SYN3: variants seen among roughly 807,000 people sequenced by gnomAD.
The protein encoded by SYN3 is synapsin III.
Under a neutral mutation model 65.8 loss-of-function variants are expected in SYN3, and 35 were observed. That is an observed-to-expected ratio of 0.53 (90% CI 0.41 to 0.70). The LOEUF is 0.70. Among genes scored for constraint, SYN3 ranks in the 30% least tolerant of loss-of-function variants. The probability of loss-of-function intolerance (pLI) is 0.00; values close to 1 mark genes in which losing one functional copy is unlikely to be tolerated. For missense variants in SYN3, 680 were observed against 749.0 expected (o/e 0.91, Z 1.08); for synonymous variants, 270 against 292.9 (o/e 0.92, Z 0.80).
At chr22:32,696,134 G>A (rs918330388) in intron 6 of SYN3, among the ~76,000 whole-genome samples, 3 of 152,226 alleles carry the variant, frequency 2.0e-5, no homozygotes, top group Non-Finnish European at 4.4e-5. Context: ...GCCATATGGT[G>A]AGTCAGAGGA....
intron 7 of SYN3, among the ~76,000 whole-genome samples, chr22:32,562,127 GA>G (rs1398199896): frequency 3.9e-5 from 6 of 152,170 alleles, no homozygotes; most frequent in Non-Finnish European, 8.8e-5. Flanking sequence ...TTCTGTCAAA[GA>G]GATAACATCC....
At chr22:32,765,400 C>T (rs575962581) in intron 6 of SYN3, among the ~76,000 whole-genome samples, 6 of 152,260 alleles carry the variant, frequency 3.9e-5, no homozygotes, top group Non-Finnish European at 7.4e-5. Context: ...TCCTTGAGGC[C>T]GATCAGTGGG....
intron 7 of SYN3, among the ~76,000 whole-genome samples, chr22:32,555,613 G>A (rs2058483343): frequency 6.6e-6 from 1 of 152,148 alleles, no homozygotes; most frequent in Non-Finnish European, 1.5e-5. Context: ...AAGTCAGGAG[G>A]ATGCATACCA....
At chr22:32,576,851 T>A (rs1274519813) in intron 7 of SYN3, among the ~76,000 whole-genome samples, 1 of 148,026 alleles carries the variant, frequency 6.8e-6, no homozygotes, top group Non-Finnish European at 1.5e-5. Flanking sequence ...CCAGGACGCC[T>A]TTTTTCCCTT....
chr22:32,975,910 C>CT (rs1383546638), intron 3 of SYN3, among the ~76,000 whole-genome samples: 2 of 152,226 alleles, frequency 1.3e-5, no homozygotes, highest in Non-Finnish European at 2.9e-5. Flanking sequence ...TTACACTTCT[C>CT]TATCTTGTTG....
chr22:33,021,862 C>T (rs559179870), intron 1 of SYN3, among the ~76,000 whole-genome samples: 4 of 151,212 alleles, frequency 2.6e-5, no homozygotes, highest in African/African-American at 4.9e-5. Flanking sequence ...GAGAGACCAT[C>T]GTCTGACTTG....
intron 3 of SYN3, among the ~76,000 whole-genome samples, chr22:32,973,129 T>C (rs1049933690): frequency 1.3e-5 from 2 of 152,224 alleles, no homozygotes; most frequent in Non-Finnish European, 2.9e-5. Context: ...CTGGGTAAAA[T>C]GATTTCCCCT....
chr22:32,528,732 G>T, intron 11 of SYN3, 142 bp downstream of exon 11: 1 of 1,194,610 alleles, frequency 8.4e-7, no homozygotes, highest in Non-Finnish European at 1.2e-6. Context: ...CCCAATGTCT[G>T]GCCTTCGTCC....
intron 3 of SYN3, among the ~76,000 whole-genome samples, chr22:32,976,994 T>G (rs2052209965): frequency 6.7e-6 from 1 of 148,784 alleles, no homozygotes; most frequent in African/African-American, 2.5e-5. Flanking sequence ...GTGAGATTCC[T>G]GGGGGGGGGG....
intron 7 of SYN3, among the ~76,000 whole-genome samples, chr22:32,559,288 G>A (rs569508578): frequency 6.6e-6 from 1 of 152,284 alleles, no homozygotes; most frequent in Non-Finnish European, 1.5e-5. Flanking sequence ...TAGACACCAA[G>A]GAGACAATGG....
intron 4 of SYN3, among the ~76,000 whole-genome samples, chr22:32,882,330 G>A: frequency 6.6e-6 from 1 of 152,140 alleles, no homozygotes; most frequent in East Asian, 1.9e-4. Flanking sequence ...CATTTTGTCT[G>A]TCATCAGTGC....
At chr22:32,912,335 G>C (rs541588914) in intron 4 of SYN3, among the ~76,000 whole-genome samples, 4 of 152,214 alleles carry the variant, frequency 2.6e-5, no homozygotes, top group Admixed American at 2.0e-4. Flanking sequence ...AACAGAATAC[G>C]TGGGGCCTGG....
At chr22:32,772,185 G>A (rs572770292) in intron 6 of SYN3, among the ~76,000 whole-genome samples, 2 of 152,102 alleles carry the variant, frequency 1.3e-5, no homozygotes, top group African/African-American at 2.4e-5. Context: ...GCCACAGGGG[G>A]GGAGAAAAGC....
chr22:32,569,571 C>CTCTCTCTATATATATA (rs1205661126), intron 7 of SYN3, among the ~76,000 whole-genome samples: 16 of 90,930 alleles, frequency 1.8e-4, no homozygotes, highest in African/African-American at 5.6e-4. Context: ...CTCTCTCTCT[C>CTCTCTCTATATATATA]TATATATATA....
chr22:32,850,860 G>A (rs538631928), intron 6 of SYN3, among the ~76,000 whole-genome samples: 72 of 152,292 alleles, frequency 4.7e-4, no homozygotes, highest in African/African-American at 1.5e-3. Flanking sequence ...AGGGAGTGGA[G>A]GAGTGACGCA....
intron 2 of SYN3, among the ~76,000 whole-genome samples, chr22:32,995,108 G>GCTCC (rs1205632991): frequency 6.6e-6 from 1 of 152,108 alleles, no homozygotes; most frequent in African/African-American, 2.4e-5. Flanking sequence ...CCTCAGCTTT[G>GCTCC]CTCCCTCCCT....
intron 4 of SYN3, among the ~76,000 whole-genome samples, chr22:32,871,649 C>T (rs2048852228): frequency 6.6e-6 from 1 of 151,994 alleles, no homozygotes; most frequent in African/African-American, 2.4e-5. Context: ...CCCTCTGTTG[C>T]TCAGGCTGGA....
chr22:32,692,155 C>CAAAAAAAAAAAAAAAAAAAAAAAAAAAAA (rs1188224009), intron 6 of SYN3, among the ~76,000 whole-genome samples: 3 of 34,486 alleles, frequency 8.7e-5, no homozygotes, highest in African/African-American at 1.9e-4. Flanking sequence ...GACAAAAAGA[C>CAAAAAAAAAAAAAAAAAAAAAAAAAAAAA]AAAAAAAAAA....
intron 7 of SYN3, chr22:32,584,234 G>A (rs1004396730): frequency 2.0e-5 from 3 of 152,152 alleles, no homozygotes; most frequent in African/African-American, 7.2e-5. Context: ...TTGACTTACT[G>A]TGCATCGGGC....
Sources: allele counts gnomAD v4.1 joint callset (sites outside exome capture counted in the v4.1 genomes callset), GRCh38; gene constraint gnomAD v4.1.1; transcripts MANE v1.5; gene names NCBI Gene and HGNC (gene_info 2026-07-23, HGNC 2026-07-21).